Variants in RORA observed in about 807,000 individuals in gnomAD.
The protein encoded by RORA is RAR related orphan receptor A, also known as nuclear receptor ROR-alpha.
Under a neutral mutation model 69.5 loss-of-function variants are expected in RORA, and 7 were observed. The observed-to-expected ratio is 0.10, with a 90% confidence interval of 0.06 to 0.19. The LOEUF is 0.19. Ranked by LOEUF, RORA falls within the 10% of genes least tolerant of loss-of-function variation. RORA has a pLI of 1.00. For missense variants in RORA, 457 were observed against 663.0 expected (o/e 0.69, Z 3.41); for synonymous variants, 261 against 240.8 (o/e 1.08, Z -0.78).
chr15:60,587,844 AC>A (rs1406064250), intron 2 of RORA, among the ~76,000 whole-genome samples: 2 of 152,224 alleles, frequency 1.3e-5, no homozygotes, highest in African/African-American at 4.8e-5. Context: ...AAATCCAGAA[AC>A]AAAAGATTTC....
chr15:60,743,535 A>T (rs954942908), intron 1 of RORA, among the ~76,000 whole-genome samples: 6 of 152,254 alleles, frequency 3.9e-5, no homozygotes, highest in Non-Finnish European at 8.8e-5. Flanking sequence ...GTGGAAGATG[A>T]GTGAGCTTCA....
In RORA at chr15:61,088,708, C is replaced by CT. The variant is rs200217340; in HGVS notation, c.166+140344dup. ...TCTGAGAGCAAAATGGGCTAGTAAACTAGTAAACTAACAACGAAGCCACCA... is the reference window on the plus strand; with the variant it reads ...TCTGAGAGCAAAATGGGCTAGTAAACTTAGTAAACTAACAACGAAGCCACCA... On this transcript the variant is annotated intron_variant, in intron 1 of 10. Coordinates refer to ENST00000335670, the MANE Select transcript of RORA (RefSeq NM_134261.3). 1.9e-3 allele frequency among the ~76,000 whole-genome samples: 295 copies of CT among 152,236 alleles called. 7 individuals are homozygous for CT. The East Asian group carries it at 0.054, about 28-fold the overall frequency.
At chr15:60,754,682 C>T (rs1428901437) in intron 1 of RORA, among the ~76,000 whole-genome samples, 1 of 152,136 alleles carries the variant, frequency 6.6e-6, no homozygotes, top group Non-Finnish European at 1.5e-5. Flanking sequence ...TCTGAATTTC[C>T]AAATCCCATA....
chr15:60,559,738 A>T (rs557171770), intron 2 of RORA, among the ~76,000 whole-genome samples: 1 of 152,344 alleles, frequency 6.6e-6, no homozygotes, highest in East Asian at 1.9e-4. Flanking sequence ...TTACGGCTTG[A>T]TAATTATCAC....
rs201578345 is a variant in RORA, at chr15:60,627,371, T to G, written c.196+51286A>C. ...TCACTGTCTCCTGGGGCCCCCTCAT[T>G]CATGCCTTTTCCTGGTTACCCATCT... On this transcript the variant is annotated intron_variant, in intron 2 of 10. Coordinates refer to ENST00000335670, the MANE Select transcript of RORA (RefSeq NM_134261.3). The G allele has an allele frequency of 2.5e-5, 41 of 1,614,034 alleles. No individual in the cohort carries two copies. The highest frequency in any genetic ancestry group is 3.1e-5 in the Non-Finnish European group (37 of 1,180,016).
At chr15:60,934,179 C>T (rs1045985370) in intron 1 of RORA, among the ~76,000 whole-genome samples, 1 of 152,232 alleles carries the variant, frequency 6.6e-6, no homozygotes, top group Admixed American at 6.5e-5. Flanking sequence ...TTCCGTGTGA[C>T]TAGCTAACAA....
chr15:60,805,895 A>C (rs1440828246), intron 1 of RORA, among the ~76,000 whole-genome samples: 1 of 152,230 alleles, frequency 6.6e-6, no homozygotes, highest in East Asian at 1.9e-4. Flanking sequence ...CACAATGTTC[A>C]ATACCAAATT....
chr15:60,791,625 G>A (rs1364493924), intron 1 of RORA, among the ~76,000 whole-genome samples: 1 of 152,230 alleles, frequency 6.6e-6, no homozygotes, highest in African/African-American at 2.4e-5. Context: ...GAGGCAGCAA[G>A]CTGCAAAATC....
intron 1 of RORA, among the ~76,000 whole-genome samples, chr15:60,739,699 G>T (rs1477563625): frequency 6.6e-6 from 1 of 152,192 alleles, no homozygotes; most frequent in African/African-American, 2.4e-5. Context: ...GCCCTGCCTC[G>T]GGGACCTCCC....
At chr15:60,815,701 A>G (rs1303420631) in intron 1 of RORA, among the ~76,000 whole-genome samples, 1 of 144,764 alleles carries the variant, frequency 6.9e-6, no homozygotes, top group Non-Finnish European at 1.5e-5. Context: ...TTGGCTCTTC[A>G]TTAGAGTCCA....
At chr15:61,151,026 T>C (rs558437241) in intron 1 of RORA, among the ~76,000 whole-genome samples, 2 of 152,388 alleles carry the variant, frequency 1.3e-5, no homozygotes, top group Non-Finnish European at 2.9e-5. Flanking sequence ...TGACGCAAGA[T>C]AGCAAGTAAG....
Position 60,850,887 on chromosome 15 carries a change from G to C in RORA, c.167-172201C>G, listed in dbSNP as rs377225971. The stretch of plus-strand genomic sequence containing the variant: ...AGGATAAGGCCATTACGTGAACACA[G>C]GGACAACAACGAAAACAAGACTGCT... On this transcript the variant is annotated intron_variant, in intron 1 of 10. Coordinates refer to ENST00000335670, the MANE Select transcript of RORA (RefSeq NM_134261.3). Among the ~76,000 whole-genome samples, 33 of 152,312 alleles carry C rather than the reference G, an allele frequency of 2.2e-4. No individual in the cohort carries two copies. In the South Asian group the frequency reaches 6.9e-3, roughly 32 times the overall value.
At chr15:60,777,213 G>GTTC (rs2072181625) in intron 1 of RORA, among the ~76,000 whole-genome samples, 1 of 152,196 alleles carries the variant, frequency 6.6e-6, no homozygotes, top group African/African-American at 2.4e-5. Context: ...CTCTAACAAA[G>GTTC]TATATTCCAA....
intron 1 of RORA, among the ~76,000 whole-genome samples, chr15:60,989,059 A>T (rs748730452): frequency 6.6e-6 from 1 of 152,210 alleles, no homozygotes; most frequent in Non-Finnish European, 1.5e-5. Context: ...TTTTATTTCT[A>T]TTCAGGTGAA....
intron 1 of RORA, among the ~76,000 whole-genome samples, chr15:61,109,272 T>C (rs994499379): frequency 1.3e-5 from 2 of 152,186 alleles, no homozygotes; most frequent in Non-Finnish European, 2.9e-5. Context: ...GAGCAAGATG[T>C]AAGATACACA....
Position 60,865,081 on chromosome 15 carries a change from T to C in RORA, c.167-186395A>G, listed in dbSNP as rs555875666. Among the ~76,000 whole-genome samples the C allele has an allele frequency of 1.4e-4, 21 of 152,342 alleles. No homozygotes were observed. The East Asian group carries it at 1.7e-3, about 13-fold the overall frequency. ...TAATGAAGATATGTTTAGATCCTGG[T>C]TCTCCCATTGCCTGGTCCAACGTTC... is the stretch of plus-strand genomic sequence containing the variant. On this transcript the variant is annotated intron_variant, in intron 1 of 10. Coordinates refer to ENST00000335670, the MANE Select transcript of RORA (RefSeq NM_134261.3).
chr15:60,552,069 T>C (rs568876655), intron 2 of RORA, among the ~76,000 whole-genome samples: 3 of 152,200 alleles, frequency 2.0e-5, no homozygotes, highest in South Asian at 2.1e-4. Context: ...GTGGTGGTGT[T>C]AGGGAGAGGC....
intron 1 of RORA, among the ~76,000 whole-genome samples, chr15:60,770,959 GT>G (rs1246979319): frequency 1.3e-5 from 2 of 152,106 alleles, no homozygotes; most frequent in African/African-American, 4.8e-5. Context: ...TAATATTTTT[GT>G]ATAAGTATGT....
chr15:60,726,579 A>G (rs1174271710), intron 1 of RORA, among the ~76,000 whole-genome samples: 1 of 152,130 alleles, frequency 6.6e-6, no homozygotes, highest in Non-Finnish European at 1.5e-5. Flanking sequence ...GCATCCAATC[A>G]TCTCTTGAAA....
Sources: gnomAD v4.1 joint callset for allele counts (sites outside exome capture counted in the v4.1 genomes callset) on GRCh38, gnomAD v4.1.1 for gene constraint, MANE v1.5 for transcripts, NCBI Gene and HGNC (gene_info 2026-07-23, HGNC 2026-07-21) for gene names.